The following NID1 variants were observed in gnomAD, a reference collection of about 807,000 sequenced individuals.
The protein encoded by NID1 is nidogen-1.
A neutral mutation model predicts 130.6 loss-of-function variants in NID1; 76 were observed. The observed-to-expected ratio is 0.58, with a 90% CI of 0.48 to 0.70. The LOEUF (loss-of-function observed/expected upper bound fraction) is 0.70, where lower values mean the gene tolerates loss of function less well. Among genes scored for constraint, NID1 ranks in the 30% least tolerant of loss-of-function variants. NID1 has a pLI of 0.00. For missense variants in NID1, 1,517 were observed against 1,664.8 expected (o/e 0.91, Z 1.54); for synonymous variants, 665 against 675.1 (o/e 0.98, Z 0.23).
At position 236,042,012 on chromosome 1, in the gene NID1, G is replaced by A. The variant is rs1659466296; in HGVS notation, c.1033C>T (p.Pro345Ser). 2.5e-6 allele frequency: 4 copies of A among 1,614,160 alleles called. No homozygotes were observed. Residue 345 changes from proline to serine, a missense_variant, in exon 4 of 20, where the codon CCT becomes TCT. This residue lies in a region of NID1 where 1,329 missense variants were observed against 1,429.2 expected (regional missense o/e 0.93). Coordinates refer to ENST00000264187, the MANE Select transcript of NID1 (RefSeq NM_002508.3). ...AAAGACCTGGTTCTCTCTGTGGGAG[G>A]TCCAAGGGGCCTTTCGGTAGCTGCC... ...RRAATERPLG[P>S]PTERTRSFQL... is the part of the protein sequence containing the mutation.
intron 5 of NID1, among the ~76,000 whole-genome samples, chr1:236,036,298 G>C (rs1418710215): frequency 5.3e-5 from 8 of 152,190 alleles, no homozygotes; most frequent in Non-Finnish European, 1.2e-4. Context: ...AATAAGTAAA[G>C]CATACTCAAT....
At chr1:235,994,191 T>G (rs1657854426) in intron 12 of NID1, among the ~76,000 whole-genome samples, 2 of 152,358 alleles carry the variant, frequency 1.3e-5, no homozygotes, top group Non-Finnish European at 2.9e-5. Context: ...CGATGGCGTT[T>G]CGCTCCTGTT....
chr1:235,979,675 G>T lies in NID1; in HGVS notation c.3509+147C>A. On this transcript the variant is annotated intron_variant, in intron 18 of 19. Coordinates refer to ENST00000264187, the MANE Select transcript of NID1 (RefSeq NM_002508.3). This position sits in a 1 kb window ranked among gnomAD's most constrained non-coding sequence, Gnocchi z 4.6. The stretch of plus-strand genomic sequence containing the variant: ...CTCTCTTGGCTCCTGACAACCAGAA[G>T]GATAAGGGAGAGGGGACATCTCTAG... 1.3e-6 allele frequency: 1 copy of T among 791,466 alleles called. No homozygotes were observed. Among genetic ancestry groups the T allele is most frequent in the East Asian group, 2.8e-5 (1 of 35,882 alleles). The allele number at this position is 791,466 out of a possible 1,614,324, so 49.0% of individuals were successfully genotyped here.
intron 5 of NID1, among the ~76,000 whole-genome samples, chr1:236,032,854 A>T (rs977888236): frequency 1.3e-5 from 2 of 152,162 alleles, no homozygotes; most frequent in African/African-American, 2.4e-5. Flanking sequence ...CAAAATTCCA[A>T]TGCCCCTGCC....
At chr1:236,026,770 G>A (rs1334372480) in intron 7 of NID1, among the ~76,000 whole-genome samples, 2 of 139,652 alleles carry the variant, frequency 1.4e-5, no homozygotes, top group African/African-American at 5.4e-5. Context: ...ACAGAGTCTC[G>A]CCTTGTCACC....
Position 236,032,622 on chromosome 1 carries a change from T to A in NID1, c.1316A>T (p.Lys439Ile). 2 of 1,614,148 alleles carry A rather than the reference T, an allele frequency of 1.2e-6. No individual in the cohort carries two copies. The highest frequency in any genetic ancestry group is 1.7e-6 in the Non-Finnish European group (2 of 1,180,034). Residue 439 changes from lysine to isoleucine, a missense_variant, in exon 6 of 20, where the codon AAA becomes ATA. By Grantham distance (102) the Lys-to-Ile change is moderately radical. Coordinates refer to ENST00000264187, the MANE Select transcript of NID1 (RefSeq NM_002508.3). ...GCTGCTCCCCACAAAGATCCTTCCT[T>A]TCACCTTGCCATTGACTCGCTGGGG... ...GSPQRVNGKVKGRIFVGSSQV... is the reference protein window; with the variant it reads ...GSPQRVNGKVIGRIFVGSSQV...
At position 236,024,085 on chromosome 1, in the gene NID1, C is replaced by T. The variant is rs752613874; in HGVS notation, c.2113G>A (p.Gly705Arg). 20 of 1,614,012 alleles carry T rather than the reference C, an allele frequency of 1.2e-5. No individual in the cohort carries two copies. The highest frequency in any genetic ancestry group is 1.6e-5 in the Non-Finnish European group (19 of 1,180,038). Residue 705 changes from glycine (G) to arginine (R), a missense_variant, in exon 9 of 20, where the codon GGG becomes AGG. Coordinates refer to ENST00000264187, the MANE Select transcript of NID1 (RefSeq NM_002508.3). The stretch of plus-strand genomic sequence containing the variant: ...AAGGCTGTACCATAGCAGGTTCGCC[C>T]GTCTCCTCGGAAGCCGATGGAGCAC... ...CECSIGFRGD[G>R]RTCYDIDECS... is the part of the protein sequence containing the mutation.
intron 9 of NID1, among the ~76,000 whole-genome samples, chr1:236,020,034 C>T (rs1429291559): frequency 8.7e-6 from 1 of 114,690 alleles, no homozygotes; most frequent in African/African-American, 3.7e-5. Flanking sequence ...AAGACTCTGC[C>T]TTAAAAAAAA....
chr1:235,990,482 G>A (rs1657700506), intron 14 of NID1, among the ~76,000 whole-genome samples: 1 of 152,172 alleles, frequency 6.6e-6, no homozygotes, highest in African/African-American at 2.4e-5. Flanking sequence ...CTCAGGTTTG[G>A]TTTCTTGGCA....
At chr1:235,983,306 C>T (rs1398206434) in intron 15 of NID1, among the ~76,000 whole-genome samples, 2 of 152,224 alleles carry the variant, frequency 1.3e-5, no homozygotes, top group South Asian at 2.1e-4. Flanking sequence ...AAAGAAAGCC[C>T]GCCAGAGGAA....
intron 1 of NID1, among the ~76,000 whole-genome samples, chr1:236,063,784 T>C (rs1660111494): frequency 6.6e-6 from 1 of 152,064 alleles, no homozygotes; most frequent in African/African-American, 2.4e-5. Context: ...AGACCTCGTC[T>C]CTCTAAAAAC....
At chr1:235,989,165 T>C (rs1279826626) in intron 14 of NID1, among the ~76,000 whole-genome samples, 1 of 151,522 alleles carries the variant, frequency 6.6e-6, no homozygotes, top group Non-Finnish European at 1.5e-5. Flanking sequence ...CAAGCAATTC[T>C]TGTGCCTCAG....
chr1:236,025,795 T>C (rs1470509677), intron 8 of NID1, 101 bp downstream of exon 8: 4 of 1,440,592 alleles, frequency 2.8e-6, no homozygotes, highest in Non-Finnish European at 3.8e-6. Flanking sequence ...TAGCATAATT[T>C]TCTTCTACAG....
intron 1 of NID1, among the ~76,000 whole-genome samples, chr1:236,050,506 C>T (rs67811728): frequency 0.059 from 8,975 of 150,960 alleles, 782 homozygotes; most frequent in African/African-American, 0.19. Context: ...TGAGCCAAGA[C>T]TGCACATTGC....
chr1:236,023,323 T>C (rs528826835), intron 9 of NID1, among the ~76,000 whole-genome samples: 132 of 152,344 alleles, frequency 8.7e-4, no homozygotes, highest in Admixed American at 2.0e-3. Flanking sequence ...ACAACATAGG[T>C]GACACTTGAG....
At chr1:236,001,436 A>C (rs1225202212) in intron 12 of NID1, among the ~76,000 whole-genome samples, 1 of 152,042 alleles carries the variant, frequency 6.6e-6, no homozygotes, top group East Asian at 1.9e-4. Flanking sequence ...TTATAGCCCC[A>C]TCTCATTCAC....
intron 1 of NID1, among the ~76,000 whole-genome samples, chr1:236,063,455 G>A (rs1660097570): frequency 1.4e-5 from 2 of 144,472 alleles, no homozygotes; most frequent in South Asian, 4.5e-4. Flanking sequence ...CTGGGGGATA[G>A]AGAGAGACTC....
intron 2 of NID1, among the ~76,000 whole-genome samples, chr1:236,046,124 T>C (rs954488903): frequency 2.0e-5 from 3 of 152,306 alleles, no homozygotes; most frequent in Middle Eastern, 3.4e-3. Flanking sequence ...ACATGAGATT[T>C]GGGAGAAAAC....
chr1:236,038,317 C>T, intron 4 of NID1, 64 bp from the exon 5 acceptor site: 1 of 1,550,226 alleles, frequency 6.5e-7, no homozygotes, highest in Non-Finnish European at 8.8e-7. Context: ...GGTGGGCTCT[C>T]TCATCTAGGC....
Sources: allele counts gnomAD v4.1 joint callset (sites outside exome capture counted in the v4.1 genomes callset), GRCh38; gene constraint gnomAD v4.1.1; regional missense constraint gnomAD v4.1.1; non-coding constraint Gnocchi (gnomAD v3.1); transcripts MANE v1.5; gene names NCBI Gene and HGNC (gene_info 2026-07-23, HGNC 2026-07-21).